NME7: variants seen among roughly 807,000 people sequenced by gnomAD.
NME7 encodes the protein nucleoside diphosphate kinase 7.
Under a neutral mutation model 49.1 loss-of-function variants are expected in NME7, and 41 were observed. The ratio of observed to expected loss-of-function variants is 0.83; its 90% CI spans 0.65 to 1.08. The LOEUF is 1.08. Ranked by LOEUF, NME7 falls within the 50% of genes least tolerant of loss-of-function variation. NME7 has a pLI of 0.00. For synonymous variants in NME7, 139 were observed against 150.6 expected, an observed-to-expected ratio of 0.92 and a Z score of 0.56; for missense variants, 423 against 463.4, an observed-to-expected ratio of 0.91 and a Z score of 0.80.
chr1:169,150,388 C>G (rs1658878915), intron 11 of NME7, among the ~76,000 whole-genome samples: 1 of 152,018 alleles, frequency 6.6e-6, no homozygotes, highest in Admixed American at 6.6e-5. Context: ...CAAATAGTTG[C>G]TAGTATCTCT....
chr1:169,321,061 T>C (rs1327569983), intron 3 of NME7, among the ~76,000 whole-genome samples: 1 of 152,200 alleles, frequency 6.6e-6, no homozygotes, highest in African/African-American at 2.4e-5. Flanking sequence ...TAAATTATAA[T>C]TTTTATGGTT....
At chr1:169,280,111 C>T (rs999092838) in intron 7 of NME7, among the ~76,000 whole-genome samples, 2 of 152,202 alleles carry the variant, frequency 1.3e-5, no homozygotes, top group Non-Finnish European at 2.9e-5. Flanking sequence ...TTTCCACAAC[C>T]TCTCCAGCAT....
chr1:169,353,550 G>A (rs939019870), intron 1 of NME7, among the ~76,000 whole-genome samples: 1 of 151,960 alleles, frequency 6.6e-6, no homozygotes, highest in Admixed American at 6.6e-5. Context: ...TGGATAAATT[G>A]GGGCACATCA....
chr1:169,319,776 A>G (rs1651786338), intron 3 of NME7, among the ~76,000 whole-genome samples: 1 of 152,210 alleles, frequency 6.6e-6, no homozygotes, highest in African/African-American at 2.4e-5. Context: ...AACATCTACT[A>G]TAATGTTGTT....
At chr1:169,184,182 T>C (rs1660006888) in intron 10 of NME7, among the ~76,000 whole-genome samples, 1 of 152,168 alleles carries the variant, frequency 6.6e-6, no homozygotes, top group South Asian at 2.1e-4. Context: ...AGTCATTCTC[T>C]TCTAGGCTAT....
At chr1:169,279,498 C>T (rs947091748) in intron 7 of NME7, among the ~76,000 whole-genome samples, 5 of 152,200 alleles carry the variant, frequency 3.3e-5, no homozygotes, top group African/African-American at 4.8e-5. Context: ...AAGCCAGGTG[C>T]GGGATATGAC....
At chr1:169,219,717 A>T (rs1661083729) in intron 10 of NME7, among the ~76,000 whole-genome samples, 1 of 152,124 alleles carries the variant, frequency 6.6e-6, no homozygotes. Flanking sequence ...CATTATTGCA[A>T]TTTATTTGTC....
chr1:169,265,289 T>C lies in NME7; in HGVS notation c.754+22014A>G, dbSNP rs2101867622. On this transcript the variant is annotated intron_variant, in intron 7 of 11. Transcript: ENST00000367811. ...AAACTGAAATCATAACCAACCATAC[T>C]CTTCTGTGCAATTAAAACAGAAATC... Among the ~76,000 whole-genome samples the C allele has an allele frequency of 1.5e-5, 2 of 132,588 alleles. 1 individual carries two copies. The highest frequency in any genetic ancestry group is 4.6e-4 in the South Asian group (2 of 4,306). The allele number at this position is 132,588 out of a possible 152,430, so 87.0% of individuals were successfully genotyped here.
intron 7 of NME7, among the ~76,000 whole-genome samples, chr1:169,248,063 T>G (rs1648398268): frequency 6.6e-6 from 1 of 152,156 alleles, no homozygotes; most frequent in Non-Finnish European, 1.5e-5. Flanking sequence ...CTCCATATTG[T>G]TTTTTATACA....
chr1:169,232,926 T>A (rs1012613297), intron 9 of NME7, among the ~76,000 whole-genome samples: 50 of 141,778 alleles, frequency 3.5e-4, no homozygotes, highest in East Asian at 1.2e-3. Context: ...TTTTTTTTTT[T>A]TTTTTTTTTT....
chr1:169,324,254 A>T (rs909227997), intron 2 of NME7, 139 bp downstream of exon 2: 1 of 480,456 alleles, frequency 2.1e-6, no homozygotes, highest in Non-Finnish European at 3.7e-6. Context: ...ATAATGAATA[A>T]GTTTAAAAAG....
Position 169,132,635 on chromosome 1 carries a change from AT to A in NME7, c.*149del. 1 of 650,402 alleles carries A rather than the reference AT, an allele frequency of 1.5e-6. No individual in the cohort carries two copies. The highest frequency in any genetic ancestry group is 3.0e-5 in the Admixed American group (1 of 32,888). 40.3% of individuals were successfully genotyped at this position (650,402 alleles called of 1,614,324 possible). A position where few individuals can be genotyped will look rare whatever the true frequency, so the allele number is the denominator to read the frequency against. ...CAGTGCAAAATCCATGTTCTAACAT[AT>A]GTAATAATTGCCAGGAGTACAGTGC... On this transcript the variant is annotated 3_prime_UTR_variant, in exon 12 of 12. Coordinates refer to ENST00000367811, the MANE Select transcript of NME7 (RefSeq NM_013330.5).
intron 1 of NME7, among the ~76,000 whole-genome samples, chr1:169,342,485 G>GTGTA: frequency 7.8e-6 from 1 of 128,610 alleles, no homozygotes; most frequent in South Asian, 2.4e-4. Context: ...ACTTGTATTA[G>GTGTA]TATATATATA....
chr1:169,151,987 T>C (rs553639088), intron 11 of NME7, among the ~76,000 whole-genome samples: 209 of 152,290 alleles, frequency 1.4e-3, no homozygotes, highest in African/African-American at 4.8e-3. Context: ...CCATAATCAG[T>C]TGAAATGAAA....
intron 1 of NME7, among the ~76,000 whole-genome samples, chr1:169,359,203 C>T (rs1322915126): frequency 6.6e-6 from 1 of 152,022 alleles, no homozygotes; most frequent in Non-Finnish European, 1.5e-5. Flanking sequence ...ACTTACAACA[C>T]GTAATACAAT....
chr1:169,310,274 A>G (rs553132960), intron 3 of NME7, among the ~76,000 whole-genome samples, 194 bp from the exon 4 acceptor site: 24 of 152,300 alleles, frequency 1.6e-4, no homozygotes, highest in African/African-American at 5.3e-4. Flanking sequence ...ATGAACATCA[A>G]AATTAGATAC....
chr1:169,303,011 T>A (rs1651007929), intron 5 of NME7, 134 bp downstream of exon 5: 2 of 504,202 alleles, frequency 4.0e-6, no homozygotes, highest in South Asian at 6.6e-5. Context: ...TTCTTAGAAT[T>A]CTGTGCAGTT....
intron 11 of NME7, among the ~76,000 whole-genome samples, chr1:169,149,830 C>T: frequency 6.6e-6 from 1 of 152,124 alleles, no homozygotes; most frequent in Non-Finnish European, 1.5e-5. Flanking sequence ...TTTTGAACTA[C>T]AGTTGATTGA....
chr1:169,321,948 A>AAT (rs3834009), intron 3 of NME7, among the ~76,000 whole-genome samples: 16 of 151,824 alleles, frequency 1.1e-4, no homozygotes, highest in Non-Finnish European at 1.9e-4. Context: ...GGAAAAAAAA[A>AAT]CTCCCCAAAC....
Sources: gnomAD v4.1 joint callset for allele counts (sites outside exome capture counted in the v4.1 genomes callset) on GRCh38, gnomAD v4.1.1 for gene constraint, MANE v1.5 for transcripts, NCBI Gene and HGNC (gene_info 2026-07-23, HGNC 2026-07-21) for gene names.